The following RNMT variants were observed in gnomAD, a reference collection of about 807,000 sequenced individuals.
RNMT encodes mRNA cap guanine-N(7) methyltransferase.
Under a neutral mutation model 56.0 loss-of-function variants are expected in RNMT, and 27 were observed. The ratio of observed to expected loss-of-function variants is 0.48; its 90% CI spans 0.36 to 0.67. The LOEUF is 0.67. RNMT is among the 30% of genes least tolerant of loss of function. The pLI is 0.00. For synonymous variants in RNMT, 184 were observed against 176.2 expected, an observed-to-expected ratio of 1.04 and a Z score of -0.35; for missense variants, 519 against 552.1, an observed-to-expected ratio of 0.94 and a Z score of 0.60.
Position 13,746,089 on chromosome 18 carries a change from T to C in RNMT, c.1140-131T>C, listed in dbSNP as rs1034477378. ...TTACTCTTGATTCATTTTGTATTAC[T>C]GTATTGTGAATTTATCAAGGGAGTG... On this transcript the variant is annotated intron_variant, in intron 8 of 11. Coordinates refer to ENST00000383314, the MANE Select transcript of RNMT (RefSeq NM_003799.3). 6 of 616,492 alleles carry C rather than the reference T, an allele frequency of 9.7e-6. No individual in the cohort carries two copies. The East Asian group carries it at 1.1e-4, about 11-fold the overall frequency. The allele number at this position is 616,492 out of a possible 1,614,324, so 38.2% of individuals were successfully genotyped here.
intron 1 of RNMT, among the ~76,000 whole-genome samples, chr18:13,728,332 GTGTGTGTGTGTGTGT>G (rs2044007052): frequency 1.7e-4 from 1 of 6,036 alleles, no homozygotes; most frequent in African/African-American, 6.5e-4. Context: ...TTTTTTTTTT[GTGTGTGTGTGTGTGT>G]GTGTGTGTGA....
rs764503590 is a variant in RNMT at position 13,746,209 on chromosome 18, T to C, written c.1140-11T>C. The C allele has an allele frequency of 7.3e-7, 1 of 1,369,490 alleles. No homozygotes were observed. Among genetic ancestry groups the C allele is most frequent in the Non-Finnish European group, 1.0e-6 (1 of 982,364 alleles). 84.8% of individuals were successfully genotyped at this position (1,369,490 alleles called of 1,614,324 possible). A position where few individuals can be genotyped will look rare whatever the true frequency, so the allele number is the denominator to read the frequency against. On this transcript the variant is annotated splice_polypyrimidine_tract_variant and intron_variant, in intron 8 of 11. Transcript: ENST00000383314. ...TGGAAGCTTTTTCATTAAGTATTCTTTTTTGGACAGAATGGCAAAGAAGTA... is the reference window on the plus strand; with the variant it reads ...TGGAAGCTTTTTCATTAAGTATTCTCTTTTGGACAGAATGGCAAAGAAGTA...
chr18:13,755,295 A>T (rs2044524125), intron 11 of RNMT, among the ~76,000 whole-genome samples: 1 of 152,218 alleles, frequency 6.6e-6, no homozygotes, highest in Non-Finnish European at 1.5e-5. Flanking sequence ...AACTAAACTA[A>T]TGACATCTGG....
intron 5 of RNMT, among the ~76,000 whole-genome samples, chr18:13,737,910 T>C (rs1295655209): frequency 6.6e-6 from 1 of 152,034 alleles, no homozygotes; most frequent in Non-Finnish European, 1.5e-5. Context: ...AAAATCATAA[T>C]TTTTTTCATT....
intron 4 of RNMT, among the ~76,000 whole-genome samples, chr18:13,736,069 G>A (rs2044153368): frequency 6.6e-6 from 1 of 152,126 alleles, no homozygotes; most frequent in Non-Finnish European, 1.5e-5. Context: ...TAGTCTTACT[G>A]TATATAAATG....
At position 13,731,780 on chromosome 18, in the gene RNMT, T is replaced by C. The variant is rs759032673; in HGVS notation, c.263T>C (p.Ile88Thr). ...AAGAAGAGAAAACTTGATCCTGAAA[T>C]TGTCCCAGAGGAAAAAGATTGTGGT... ...PSKKRKLDPEIVPEEKDCGDA... is the reference protein window; with the variant it reads ...PSKKRKLDPETVPEEKDCGDA... Residue 88 changes from isoleucine to threonine, a missense_variant, in exon 3 of 12, where the codon ATT becomes ACT. Physicochemically the swap from Ile to Thr is moderately conservative, Grantham distance 89. Transcript: ENST00000383314. 1 of 1,613,064 alleles carries C rather than the reference T, an allele frequency of 6.2e-7. No homozygotes were observed. The highest frequency in any genetic ancestry group is 1.7e-5 in the Admixed American group (1 of 59,808).
In RNMT at chr18:13,762,093, G is replaced by A; in HGVS notation, c.*2114G>A. 1.3e-6 allele frequency: 2 copies of A among 1,536,068 alleles called. No homozygotes were observed. The highest frequency in any genetic ancestry group is 1.7e-6 in the Non-Finnish European group (2 of 1,146,882). ...TGGCTTTCCACCGTCGGGCCAGGAA[G>A]AGCACCTGTTGCTGCAAGCTCAGTG... On this transcript the variant is annotated 3_prime_UTR_variant, in exon 12 of 12. Transcript: ENST00000383314.
At chr18:13,748,797 G>A (rs1443227570) in intron 9 of RNMT, among the ~76,000 whole-genome samples, 1 of 152,040 alleles carries the variant, frequency 6.6e-6, no homozygotes, top group East Asian at 1.9e-4. Flanking sequence ...AATAAGTTTT[G>A]GTCCCGGCAT....
intron 8 of RNMT, among the ~76,000 whole-genome samples, chr18:13,745,315 G>A (rs908046041): frequency 6.6e-6 from 1 of 152,220 alleles, no homozygotes; most frequent in Non-Finnish European, 1.5e-5. Flanking sequence ...AGTAAGAATG[G>A]AAGCAGGGGA....
In RNMT at chr18:13,741,693, T is replaced by C; in HGVS notation, c.974+2T>C. ...TACTCCCAATAGCTTTGAATTGATG[T>C]AAGTACTTCTAAATATATTGTGGTT... On this transcript the variant is annotated splice_donor_variant, in intron 7 of 11. Transcript: ENST00000383314. LOFTEE classifies it high-confidence loss of function. 6.3e-7 allele frequency: 1 copy of C among 1,578,242 alleles called. No homozygotes were observed. The highest frequency in any genetic ancestry group is 2.2e-5 in the East Asian group (1 of 44,638).
At chr18:13,737,716 TAAAA>T (rs973552670) in intron 5 of RNMT, among the ~76,000 whole-genome samples, 1 of 147,976 alleles carries the variant, frequency 6.8e-6, no homozygotes, top group Non-Finnish European at 1.5e-5. Flanking sequence ...ATTTTAACAT[TAAAA>T]AAAAAATAGC....
At chr18:13,757,355 T>G (rs1293600725) in intron 11 of RNMT, among the ~76,000 whole-genome samples, 1 of 152,206 alleles carries the variant, frequency 6.6e-6, no homozygotes, top group African/African-American at 2.4e-5. Flanking sequence ...TGCAGTGCTG[T>G]TTGATAGCGT....
At chr18:13,759,202 G>A (rs769304255) in intron 11 of RNMT, among the ~76,000 whole-genome samples, 2 of 152,236 alleles carry the variant, frequency 1.3e-5, no homozygotes, top group Non-Finnish European at 2.9e-5. Flanking sequence ...AATGGTGCCA[G>A]TAGACTTGCT....
chr18:13,748,634 C>T (rs78207878), intron 9 of RNMT, among the ~76,000 whole-genome samples: 2,480 of 152,138 alleles, frequency 0.016, 75 homozygotes, highest in African/African-American at 0.054. Context: ...TTTCCTGGAG[C>T]GTTGGAACAG....
At position 13,761,139 on chromosome 18, in the gene RNMT, C is replaced by G; in HGVS notation, c.*1160C>G. The G allele has an allele frequency of 4.1e-6, 4 of 985,368 alleles. No homozygotes were observed. The highest frequency in any genetic ancestry group is 4.8e-6 in the Non-Finnish European group (4 of 829,862). 61.0% of individuals were successfully genotyped at this position (985,368 alleles called of 1,614,324 possible). ...AATACTTGTTTTAAAAACATAGTGT[C>G]TTCATTAGTGTGCATCTATTAACTG... On this transcript the variant is annotated 3_prime_UTR_variant, in exon 12 of 12. Coordinates refer to ENST00000383314, the MANE Select transcript of RNMT (RefSeq NM_003799.3).
chr18:13,746,993 T>G (rs1942672), intron 9 of RNMT, among the ~76,000 whole-genome samples: 38,315 of 152,084 alleles, frequency 0.25, 5,588 homozygotes, highest in Non-Finnish European at 0.34. Flanking sequence ...AGCCATTGAT[T>G]GTTTTTCCTT....
At chr18:13,755,710 G>A (rs2044531234) in intron 11 of RNMT, among the ~76,000 whole-genome samples, 1 of 152,194 alleles carries the variant, frequency 6.6e-6, no homozygotes, top group Admixed American at 6.5e-5. Context: ...ACACACTGGT[G>A]AGCATGTGCA....
Position 13,763,909 on chromosome 18 carries a change from T to C in RNMT, c.*3930T>C, listed in dbSNP as rs2044648357. 1 of 152,300 alleles carries C rather than the reference T, an allele frequency of 6.6e-6. No homozygotes were observed. The highest frequency in any genetic ancestry group is 1.5e-5 in the Non-Finnish European group (1 of 68,106). The allele number at this position is 152,300 out of a possible 1,614,324, so 9.4% of individuals were successfully genotyped here. On this transcript the variant is annotated 3_prime_UTR_variant, in exon 12 of 12. Transcript: ENST00000383314. ...AGATGTTCCCTGAGAGGAGTGTTTA[T>C]TTCTGAGTAAGGGGCTTTGTTGAAA...
Position 13,731,772 on chromosome 18 carries a change from T to A in RNMT, c.255T>A (p.Asp85Glu), listed in dbSNP as rs563132015. 4 of 1,612,928 alleles carry A rather than the reference T, an allele frequency of 2.5e-6. No individual in the cohort carries two copies. The East Asian group carries it at 8.9e-5, about 36-fold the overall frequency. ...CTCCATCCAAGAAGAGAAAACTTGATCCTGAAATTGTCCCAGAGGAAAAAG... is the reference window on the plus strand; with the variant it reads ...CTCCATCCAAGAAGAGAAAACTTGAACCTGAAATTGTCCCAGAGGAAAAAG... ...KDTPSKKRKLDPEIVPEEKDC... is the reference protein window; with the variant it reads ...KDTPSKKRKLEPEIVPEEKDC... The change falls in exon 3 of 12, where the codon GAT becomes GAA. Residue 85 changes from aspartate (D) to glutamate (E), a missense_variant. By Grantham distance (45) the Asp-to-Glu change is conservative. Coordinates refer to ENST00000383314, the MANE Select transcript of RNMT (RefSeq NM_003799.3).
Sources: allele counts gnomAD v4.1 joint callset (sites outside exome capture counted in the v4.1 genomes callset), GRCh38; gene constraint gnomAD v4.1.1; transcripts MANE v1.5; gene names NCBI Gene and HGNC (gene_info 2026-07-23, HGNC 2026-07-21).